IKBIP: variants seen among roughly 807,000 people sequenced by gnomAD.
IKBIP encodes the protein inhibitor of nuclear factor kappa-B kinase-interacting protein.
A neutral mutation model predicts 31.0 loss-of-function variants in IKBIP; 28 were observed. The ratio of observed to expected loss-of-function variants is 0.90; its 90% CI spans 0.67 to 1.24. The LOEUF (loss-of-function observed/expected upper bound fraction) is 1.24, where lower values mean the gene tolerates loss of function less well. IKBIP is among the 50% of genes most tolerant of loss of function. The probability of loss-of-function intolerance (pLI) is 0.00; values close to 1 mark genes in which losing one functional copy is unlikely to be tolerated. For synonymous variants in IKBIP, 164 were observed against 160.3 expected (o/e 1.02, Z -0.17); for missense variants, 453 against 441.9 (o/e 1.03, Z -0.23).
intron 2 of IKBIP, among the ~76,000 whole-genome samples, chr12:98,633,510 CTTTTTTTT>C (rs71432181): frequency 1.8e-4 from 11 of 61,392 alleles, no homozygotes; most frequent in East Asian, 6.0e-4. Flanking sequence ...TTTTTTAATT[CTTTTTTTT>C]TTTTTTTTTT....
chr12:98,644,782 G>A lies in IKBIP; in HGVS notation c.-81C>T, dbSNP rs902248870. The A allele has an allele frequency of 2.7e-6, 4 of 1,497,668 alleles. No homozygotes were observed. Among genetic ancestry groups the A allele is most frequent in the South Asian group, 1.2e-5 (1 of 83,116 alleles). The allele number at this position is 1,497,668 out of a possible 1,614,324, so 92.8% of individuals were successfully genotyped here. On this transcript the variant is annotated 5_prime_UTR_variant, in exon 1 of 3. Transcript: ENST00000299157. Reference sequence around the variant, plus strand: ...GACGTGGCCGCCTTGGCGTTCGTGGGAACCCTGGGCGGTGACCGCGCCCCC... The same window carrying A: ...GACGTGGCCGCCTTGGCGTTCGTGGAAACCCTGGGCGGTGACCGCGCCCCC...
chr12:98,618,402 G>A (rs944264353), intron 2 of IKBIP, among the ~76,000 whole-genome samples: 3 of 151,824 alleles, frequency 2.0e-5, no homozygotes, highest in Admixed American at 6.6e-5. Context: ...CGAGGTGGGC[G>A]GATCACAAGG....
Position 98,644,552 on chromosome 12 carries a change from C to G in IKBIP, c.150G>C (p.Leu50=), listed in dbSNP as rs997305110. 5 of 1,606,972 alleles carry G rather than the reference C, an allele frequency of 3.1e-6. No individual in the cohort carries two copies. The East Asian group carries it at 1.1e-4, about 36-fold the overall frequency. The part of the protein sequence containing the change: ...WADPRTCLSL[L]SLGTCLGLAW... ...CCAGGCCCAGGCACGTCCCCAGCGA[C>G]AGCAGGCTCAGGCACGTTCGGGGGT... is the stretch of plus-strand genomic sequence containing the variant. The change falls in exon 1 of 3, where the codon CTG becomes CTC. Residue 50 remains leucine, a synonymous_variant. Transcript: ENST00000299157.
intron 2 of IKBIP, among the ~76,000 whole-genome samples, chr12:98,630,099 T>C (rs2097618525): frequency 6.6e-6 from 1 of 151,620 alleles, no homozygotes; most frequent in South Asian, 2.1e-4. Flanking sequence ...AAAGAGCTAG[T>C]AGGGCCAGGT....
At chr12:98,627,549 C>T (rs1488168318) in intron 2 of IKBIP, among the ~76,000 whole-genome samples, 2 of 151,578 alleles carry the variant, frequency 1.3e-5, no homozygotes, top group South Asian at 2.1e-4. Flanking sequence ...AGCCATTCTC[C>T]TGCCTCAGCC....
chr12:98,620,134 A>G (rs1389086950), downstream of IKBIP, among the ~76,000 whole-genome samples: 1 of 140,016 alleles, frequency 7.1e-6, no homozygotes, highest in East Asian at 2.1e-4. Context: ...GGGTTTCACC[A>G]TGTTGCGAAC....
At chr12:98,618,607 CA>C (rs376338441) in intron 2 of IKBIP, among the ~76,000 whole-genome samples, 11,121 of 146,436 alleles carry the variant, frequency 0.076, 568 homozygotes, top group East Asian at 0.21. Context: ...GCCTGGGCGA[CA>C]GAGCCAGACT....
rs1453589405 is a variant in IKBIP, at chr12:98,624,453, A to G, written c.*1477T>C. On this transcript the variant is annotated 3_prime_UTR_variant, in exon 3 of 3. Transcript: ENST00000299157. ...CCACAGGCCCTCCTAACTCCAGTGG[A>G]GAAGGAGTTTGGGGGTTCTCCAAAA... 1.0e-6 allele frequency: 1 copy of G among 984,032 alleles called. No individual in the cohort carries two copies. Among genetic ancestry groups the G allele is most frequent in the Non-Finnish European group, 1.2e-6 (1 of 828,808 alleles). The allele number at this position is 984,032 out of a possible 1,614,324, so 61.0% of individuals were successfully genotyped here. A position where few individuals can be genotyped will look rare whatever the true frequency, so the allele number is the denominator to read the frequency against.
downstream of IKBIP, among the ~76,000 whole-genome samples, chr12:98,620,873 T>C (rs1367178288): frequency 1.3e-5 from 2 of 151,174 alleles, no homozygotes; most frequent in Non-Finnish European, 2.9e-5. Flanking sequence ...AAAAAAAGGG[T>C]AAATAAGTAA....
intron 1 of IKBIP, among the ~76,000 whole-genome samples, chr12:98,636,215 T>C (rs2097625642): frequency 6.6e-6 from 1 of 152,224 alleles, no homozygotes; most frequent in Admixed American, 6.5e-5. Context: ...CATATTGTAA[T>C]AACCTGGCAG....
At position 98,625,218 on chromosome 12, in the gene IKBIP, T is replaced by C. The variant is rs551967894; in HGVS notation, c.*712A>G. ...CAAAGATTTATATACACATAATTCC[T>C]AAGAAAGGCCTTATGTAAGAACATA... On this transcript the variant is annotated 3_prime_UTR_variant, in exon 3 of 3. Coordinates refer to ENST00000299157, the MANE Select transcript of IKBIP (RefSeq NM_153687.4). 4.1e-4 allele frequency: 405 copies of C among 978,960 alleles called. 1 individual carries two copies. In the African/African-American group the frequency reaches 6.6e-3, roughly 16 times the overall value. 60.6% of individuals were successfully genotyped at this position (978,960 alleles called of 1,614,324 possible). A position where few individuals can be genotyped will look rare whatever the true frequency, so the allele number is the denominator to read the frequency against.
chr12:98,627,461 C>T (rs1466323738), intron 2 of IKBIP, among the ~76,000 whole-genome samples: 37 of 135,502 alleles, frequency 2.7e-4, no homozygotes, highest in African/African-American at 8.6e-4. Flanking sequence ...TTTTTTGAGA[C>T]GGAGTCTCGC....
At chr12:98,643,817 C>CTTTTTTTTTTTTTTTCCT (rs1555212507) in intron 1 of IKBIP, among the ~76,000 whole-genome samples, 3,121 of 136,758 alleles carry the variant, frequency 0.023, 135 homozygotes, top group African/African-American at 0.082. Flanking sequence ...ATATGGTTTT[C>CTTTTTTTTTTTTTTTCCT]TTTTTTTTTT....
At chr12:98,627,057 C>T (rs1467232662) in intron 2 of IKBIP, among the ~76,000 whole-genome samples, 1 of 152,116 alleles carries the variant, frequency 6.6e-6, no homozygotes, top group Non-Finnish European at 1.5e-5. Context: ...CAACCTCCGC[C>T]TCCCAGGTTC....
At chr12:98,618,471 A>G (rs1053518860) in intron 2 of IKBIP, among the ~76,000 whole-genome samples, 29 of 152,090 alleles carry the variant, frequency 1.9e-4, no homozygotes, top group African/African-American at 6.5e-4. Flanking sequence ...CTAAAAATAC[A>G]AAAAATTAGC....
Position 98,634,421 on chromosome 12 carries a change from A to C in IKBIP, c.180-8T>G, listed in dbSNP as rs1433089088. The C allele has an allele frequency of 2.9e-6, 4 of 1,384,818 alleles. No individual in the cohort carries two copies. Among genetic ancestry groups the C allele is most frequent in the Non-Finnish European group, 3.1e-6 (3 of 977,506 alleles). The allele number at this position is 1,384,818 out of a possible 1,614,324, so 85.8% of individuals were successfully genotyped here. A position where few individuals can be genotyped will look rare whatever the true frequency, so the allele number is the denominator to read the frequency against. ...GACTGCTGAAATACAAACCTGGAAA[A>C]GAAAAGAAAAATCACTATTCTCCAA... On this transcript the variant is annotated splice_region_variant and splice_polypyrimidine_tract_variant and intron_variant, in intron 1 of 2. Transcript: ENST00000299157.
At chr12:98,635,557 G>C (rs945727574) in intron 1 of IKBIP, among the ~76,000 whole-genome samples, 4 of 152,200 alleles carry the variant, frequency 2.6e-5, no homozygotes, top group Admixed American at 1.3e-4. Flanking sequence ...AAATATTTTA[G>C]AGGAGGACAA....
chr12:98,627,434 TTTTTC>T (rs1263053909), intron 2 of IKBIP, among the ~76,000 whole-genome samples: 48 of 110,486 alleles, frequency 4.3e-4, no homozygotes, highest in Non-Finnish European at 6.9e-4. Context: ...GTCAGTTTTC[TTTTTC>T]TTTTTTTTTT....
chr12:98,642,401 C>T (rs1565845572), intron 1 of IKBIP, among the ~76,000 whole-genome samples: 3 of 151,872 alleles, frequency 2.0e-5, no homozygotes, highest in Admixed American at 6.6e-5. Flanking sequence ...TCGCCTGCCT[C>T]GGCCTCCCAA....
Sources: gnomAD v4.1 joint callset for allele counts (sites outside exome capture counted in the v4.1 genomes callset) on GRCh38, gnomAD v4.1.1 for gene constraint, MANE v1.5 for transcripts, NCBI Gene and HGNC (gene_info 2026-07-23, HGNC 2026-07-21) for gene names.